Variants in POLR3F observed in about 807,000 individuals in gnomAD.
The protein encoded by POLR3F is DNA-directed RNA polymerase III subunit RPC6.
Under a neutral mutation model 43.6 loss-of-function variants are expected in POLR3F, and 31 were observed. The ratio of observed to expected loss-of-function variants is 0.71; its 90% CI spans 0.53 to 0.96. The LOEUF (loss-of-function observed/expected upper bound fraction) is 0.96. Among genes scored for constraint, POLR3F ranks in the 40% least tolerant of loss-of-function variants. The pLI, the probability that POLR3F is intolerant of heterozygous loss-of-function variation, is 0.00. For synonymous variants in POLR3F, 114 were observed against 132.5 expected (o/e 0.86, Z 0.96); for missense variants, 316 against 391.7 (o/e 0.81, Z 1.63).
chr20:18,474,801 C>T (rs6132066), intron 4 of POLR3F, among the ~76,000 whole-genome samples: 41,381 of 152,094 alleles, frequency 0.27, 5,956 homozygotes, highest in Middle Eastern at 0.35. Flanking sequence ...GGATTACAGG[C>T]ATGAGCCACC....
At chr20:18,479,055 G>A (rs1218043316) in intron 5 of POLR3F, among the ~76,000 whole-genome samples, 1 of 151,980 alleles carries the variant, frequency 6.6e-6, no homozygotes. Context: ...TGAGACAGGA[G>A]AATCGCTTGA....
At chr20:18,473,603 C>G (rs1166704193) in intron 4 of POLR3F, 145 bp downstream of exon 4, 1 of 444,352 alleles carries the variant, frequency 2.3e-6, no homozygotes, top group Non-Finnish European at 4.3e-6. Flanking sequence ...CATGCATGTG[C>G]TTGAAGGACA....
rs2059823112 is a variant in POLR3F at position 18,483,717 on chromosome 20, C to T, written c.*159C>T. On this transcript the variant is annotated 3_prime_UTR_variant, in exon 9 of 9. Transcript: ENST00000377603. ...AACATATTTTTTTTATTTATGAAGA[C>T]TAAATTTATATTGGTAAAATAGCCA... 4.7e-6 allele frequency: 2 copies of T among 426,762 alleles called. No homozygotes were observed. The highest frequency in any genetic ancestry group is 8.2e-6 in the Non-Finnish European group (2 of 243,590). 26.4% of individuals were successfully genotyped at this position (426,762 alleles called of 1,614,324 possible).
At chr20:18,474,629 A>AT (rs1357853136) in intron 4 of POLR3F, among the ~76,000 whole-genome samples, 1 of 151,736 alleles carries the variant, frequency 6.6e-6, no homozygotes, top group African/African-American at 2.4e-5. Context: ...AACGAGTCTC[A>AT]TGCCTCAGCC....
Position 18,467,462 on chromosome 20 carries a change from C to T in POLR3F, c.-45C>T, listed in dbSNP as rs776361598. On this transcript the variant is annotated 5_prime_UTR_variant, in exon 1 of 9. Coordinates refer to ENST00000377603, the MANE Select transcript of POLR3F (RefSeq NM_006466.4). ...CCGGGTTCCCCGGCTTGCTACCGGG[C>T]TGCTCCGTGCATCTTTCCCCCCAGG... is the stretch of plus-strand genomic sequence containing the variant. 5 of 1,609,726 alleles carry T rather than the reference C, an allele frequency of 3.1e-6. No individual in the cohort carries two copies. The highest frequency in any genetic ancestry group is 1.7e-5 in the Admixed American group (1 of 60,030).
Position 18,481,779 on chromosome 20 carries a change from G to T in POLR3F, c.842G>T (p.Gly281Val). The T allele has an allele frequency of 6.2e-7, 1 of 1,613,698 alleles. No homozygotes were observed. Among genetic ancestry groups the T allele is most frequent in the Non-Finnish European group, 8.5e-7 (1 of 1,179,652 alleles). The change falls in exon 8 of 9, where the codon GGT becomes GTT. Residue 281 changes from glycine to valine, a missense_variant. By Grantham distance (109) the Gly-to-Val change is moderately radical. Transcript: ENST00000377603. Reference sequence around the variant, plus strand: ...GTCAATCCAATCATCCCTCCCACAGGTTTGGTCCGGGCACCCTGTGGACTC... The same window carrying T: ...GTCAATCCAATCATCCCTCCCACAGTTTTGGTCCGGGCACCCTGTGGACTC... Reference protein sequence around the residue: ...RAVNPIIPPTGLVRAPCGLCP... With the variant: ...RAVNPIIPPTVLVRAPCGLCP...
chr20:18,471,845 G>A (rs529519584), intron 2 of POLR3F, among the ~76,000 whole-genome samples: 220 of 152,314 alleles, frequency 1.4e-3, no homozygotes, highest in African/African-American at 4.5e-3. Context: ...AGCGTGGCAT[G>A]GTGGCATACA....
At chr20:18,482,154 A>AT (rs1168704697) in intron 8 of POLR3F, among the ~76,000 whole-genome samples, 3 of 151,288 alleles carry the variant, frequency 2.0e-5, no homozygotes, top group Admixed American at 6.6e-5. Context: ...TGCCCAGCTA[A>AT]TTTTTTTTAT....
chr20:18,477,676 C>A (rs1159885697), intron 5 of POLR3F, among the ~76,000 whole-genome samples: 1 of 152,050 alleles, frequency 6.6e-6, no homozygotes, highest in Non-Finnish European at 1.5e-5. Flanking sequence ...TAAAAGAAGC[C>A]AGTCCGAAAA....
chr20:18,468,714 A>G (rs1457641538), intron 1 of POLR3F, among the ~76,000 whole-genome samples: 1 of 152,178 alleles, frequency 6.6e-6, no homozygotes, highest in Non-Finnish European at 1.5e-5. Context: ...TAAAGTTCTT[A>G]TTAGTGAGGA....
At position 18,480,184 on chromosome 20, in the gene POLR3F, G is replaced by A. The variant is rs745906108; in HGVS notation, c.573+3G>A. The A allele has an allele frequency of 6.2e-7, 1 of 1,608,666 alleles. No homozygotes were observed. Among genetic ancestry groups the A allele is most frequent in the Non-Finnish European group, 8.5e-7 (1 of 1,176,802 alleles). ...GTTTTAAATTCCTACAGTCCAAGGTGAGGTATGATTGAGGAAACATCACTG... is the reference window on the plus strand; with the variant it reads ...GTTTTAAATTCCTACAGTCCAAGGTAAGGTATGATTGAGGAAACATCACTG... On this transcript the variant is annotated splice_donor_region_variant and intron_variant, in intron 6 of 8. Transcript: ENST00000377603.
intron 7 of POLR3F, 120 bp from the exon 8 acceptor site, chr20:18,481,499 A>G (rs1473690606): frequency 1.5e-6 from 1 of 687,376 alleles, no homozygotes; most frequent in African/African-American, 1.8e-5. Flanking sequence ...TCGGCTTCCC[A>G]AAGTGCTGGG....
chr20:18,480,593 G>A (rs1311907591), intron 7 of POLR3F, 84 bp downstream of exon 7: 5 of 567,490 alleles, frequency 8.8e-6, no homozygotes, highest in Non-Finnish European at 1.5e-5. Context: ...GACCCACATT[G>A]TTTTTTTTTT....
intron 5 of POLR3F, among the ~76,000 whole-genome samples, chr20:18,479,255 G>A (rs1174102694): frequency 6.6e-6 from 1 of 152,166 alleles, no homozygotes; most frequent in Non-Finnish European, 1.5e-5. Context: ...CAGCACTTTG[G>A]GAGGCTGAGG....
intron 4 of POLR3F, 132 bp from the exon 5 acceptor site, chr20:18,474,943 T>C (rs2059772505): frequency 3.9e-6 from 2 of 514,784 alleles, no homozygotes; most frequent in Admixed American, 7.5e-5. Flanking sequence ...TAGCATACTT[T>C]TGCTACTTTA....
At chr20:18,474,055 CT>C (rs2059767626) in intron 4 of POLR3F, among the ~76,000 whole-genome samples, 1 of 151,612 alleles carries the variant, frequency 6.6e-6, no homozygotes, top group South Asian at 2.1e-4. Context: ...ATAACTAATT[CT>C]TATATTTATT....
At chr20:18,468,364 C>A (rs955002281) in intron 1 of POLR3F, among the ~76,000 whole-genome samples, 1 of 152,324 alleles carries the variant, frequency 6.6e-6, no homozygotes. Context: ...CGTGAGCCAC[C>A]GCGCCCGGCC....
Position 18,484,142 on chromosome 20 carries a change from G to C in POLR3F, c.*584G>C. 5.0e-6 allele frequency: 2 copies of C among 398,382 alleles called. No individual in the cohort carries two copies. Among genetic ancestry groups the C allele is most frequent in the Non-Finnish European group, 8.8e-6 (2 of 226,008 alleles). 24.7% of individuals were successfully genotyped at this position (398,382 alleles called of 1,614,324 possible). ...TTTTTGTATCAGAAATGTTCTTTTA[G>C]GAGATTATGCTACCATACTTACTTC... On this transcript the variant is annotated 3_prime_UTR_variant, in exon 9 of 9. Coordinates refer to ENST00000377603, the MANE Select transcript of POLR3F (RefSeq NM_006466.4).
At chr20:18,471,667 A>C (rs1357179140) in intron 2 of POLR3F, among the ~76,000 whole-genome samples, 1 of 152,158 alleles carries the variant, frequency 6.6e-6, no homozygotes, top group Non-Finnish European at 1.5e-5. Context: ...ATCCATTTCC[A>C]AGTCATGAGT....
Sources: gnomAD v4.1 joint callset for allele counts (sites outside exome capture counted in the v4.1 genomes callset) on GRCh38, gnomAD v4.1.1 for gene constraint, MANE v1.5 for transcripts, NCBI Gene and HGNC (gene_info 2026-07-23, HGNC 2026-07-21) for gene names.